The following C4orf50 variants were observed in gnomAD, a reference collection of about 807,000 sequenced individuals.
The protein encoded by C4orf50 is uncharacterized protein C4orf50.
Under a neutral mutation model 77.2 loss-of-function variants are expected in C4orf50, and 80 were observed. That is an observed-to-expected ratio of 1.04 (90% confidence interval 0.87 to 1.25). C4orf50 has a LOEUF of 1.25. C4orf50 is among the 50% of genes most tolerant of loss of function. The pLI is 0.00. For synonymous variants in C4orf50, 532 were observed against 465.3 expected (o/e 1.14, Z -1.84); for missense variants, 1,257 against 1,152.9 (o/e 1.09, Z -1.31).
intron 30 of C4orf50, 23 bp from the exon 9 acceptor site, chr4:5,973,864 ATGCAGAGCTCCCACCAGGGC>A (rs1720094130): frequency 6.3e-7 from 1 of 1,584,468 alleles, no homozygotes; most frequent in South Asian, 1.1e-5. Flanking sequence ...GAGGCCATGG[ATGCAGAGCTCCCACCAGGGC>A]TGCATGGCTG....
In C4orf50 at chr4:6,018,038, G is replaced by A; in HGVS notation, c.287+107C>T. 2.5e-6 allele frequency: 1 copy of A among 397,614 alleles called. No individual in the cohort carries two copies. The highest frequency in any genetic ancestry group is 3.6e-5 in the East Asian group (1 of 28,058). 24.6% of individuals were successfully genotyped at this position (397,614 alleles called of 1,614,324 possible). On this transcript the variant is annotated intron_variant, in intron 23 of 33. Transcript: ENST00000531445. This position sits in a 1 kb window ranked among gnomAD's most constrained non-coding sequence, Gnocchi z 5.1. ...TGGGCAGGTTACGTGTCTTTGGTGA[G>A]CCAGTTTCCCCAGCTGTGTGGTGTG... is the stretch of plus-strand genomic sequence containing the variant.
At chr4:5,936,297 C>T (rs1181097252) in intron 7 of C4orf50, among the ~76,000 whole-genome samples, 1 of 151,978 alleles carries the variant, frequency 6.6e-6, no homozygotes, top group African/African-American at 2.4e-5. Flanking sequence ...TGCGGTGGCT[C>T]ATGCCTGTAA....
At chr4:5,929,162 G>A (rs924521965) in intron 7 of C4orf50, among the ~76,000 whole-genome samples, 5 of 152,100 alleles carry the variant, frequency 3.3e-5, no homozygotes, top group African/African-American at 1.2e-4. Context: ...TTCTAAGAAC[G>A]CACTATTATA....
rs1006215815 is a variant in C4orf50, at chr4:5,940,050, C to T, written c.*2474+16851G>A. Among the ~76,000 whole-genome samples the T allele has an allele frequency of 4.6e-5, 7 of 152,204 alleles. No homozygotes were observed. In the South Asian group the frequency reaches 8.3e-4, roughly 18 times the overall value. On this transcript the variant is annotated intron_variant, in intron 7 of 7. Coordinates refer to the C4orf50 transcript ENST00000324058. ...AGCATGAAGCTCAGTTGCACATGTG[C>T]GTGTTTCTCCCTTCATAAATATTCA...
At position 5,992,995 on chromosome 4, in the gene C4orf50, T is replaced by G; in HGVS notation, c.1094-65A>C. 1 of 396,086 alleles carries G rather than the reference T, an allele frequency of 2.5e-6. No individual in the cohort carries two copies. Among genetic ancestry groups the G allele is most frequent in the Admixed American group, 4.4e-5 (1 of 22,640 alleles). The allele number at this position is 396,086 out of a possible 1,614,324, so 24.5% of individuals were successfully genotyped here. A position where few individuals can be genotyped will look rare whatever the true frequency, so the allele number is the denominator to read the frequency against. On this transcript the variant is annotated intron_variant, in intron 26 of 33. Transcript: ENST00000531445. The surrounding 1 kb of genome is among the most constrained non-coding windows in gnomAD (Gnocchi z 5.0). ...CCAGGGGCTCTGCCATGATCGCCTC[T>G]AGGGACCACGTCCCCCAGGCTTGGG...
At chr4:5,912,645 C>T (rs553740912) in intron 7 of C4orf50, among the ~76,000 whole-genome samples, 1 of 152,126 alleles carries the variant, frequency 6.6e-6, no homozygotes, top group Admixed American at 6.5e-5. Context: ...TTATTACTCA[C>T]AGTTCCCTAG....
intron 7 of C4orf50, among the ~76,000 whole-genome samples, chr4:5,936,123 A>G (rs1255633899): frequency 6.6e-6 from 1 of 152,132 alleles, no homozygotes; most frequent in African/African-American, 2.4e-5. Context: ...CTCCCACTTT[A>G]AAGATGATGA....
At chr4:5,915,553 G>A (rs1716995946) in intron 7 of C4orf50, among the ~76,000 whole-genome samples, 1 of 152,300 alleles carries the variant, frequency 6.6e-6, no homozygotes. Flanking sequence ...ACACAGTTGT[G>A]AAGACTAAAG....
intron 25 of C4orf50, among the ~76,000 whole-genome samples, chr4:5,997,098 C>T (rs990781532): frequency 1.3e-5 from 2 of 151,976 alleles, no homozygotes; most frequent in Admixed American, 1.3e-4. Context: ...AAAGTGAAAG[C>T]AGGAAGAGAG....
chr4:6,003,928 G>T (rs1456182956), intron 25 of C4orf50, among the ~76,000 whole-genome samples: 132 of 25,812 alleles, frequency 5.1e-3, no homozygotes, highest in Admixed American at 8.4e-3. Context: ...GGTGGTGATG[G>T]TGATGATGGT....
At chr4:5,913,448 A>G (rs78759401) in intron 7 of C4orf50, among the ~76,000 whole-genome samples, 2,036 of 152,328 alleles carry the variant, frequency 0.013, 48 homozygotes, top group African/African-American at 0.045. Flanking sequence ...GAAATAGCAT[A>G]TACTATGAAA....
chr4:5,967,807 C>T (rs780598986), intron 31 of C4orf50, among the ~76,000 whole-genome samples: 93 of 152,206 alleles, frequency 6.1e-4, no homozygotes, highest in Non-Finnish European at 1.3e-3. Flanking sequence ...TGATGTCTCC[C>T]CTGGGGCCCC....
At position 5,979,371 on chromosome 4, in the gene C4orf50, G is replaced by A. The variant is rs552832063; in HGVS notation, c.3864+803C>T. 1.8e-4 allele frequency among the ~76,000 whole-genome samples: 28 copies of A among 152,298 alleles called. No homozygotes were observed. The South Asian group carries it at 3.9e-3, about 21-fold the overall frequency. ...AATACACACGATTTTAAAGGAATGA[G>A]TTCACTTTGCATGTGTTGATATGAA... On this transcript the variant is annotated intron_variant, in intron 29 of 33. Transcript: ENST00000531445.
Position 6,011,683 on chromosome 4 carries a change from C to T in C4orf50, c.426+147G>A. 1 of 396,984 alleles carries T rather than the reference C, an allele frequency of 2.5e-6. No individual in the cohort carries two copies. Among genetic ancestry groups the T allele is most frequent in the Non-Finnish European group, 4.4e-6 (1 of 225,640 alleles). The allele number at this position is 396,984 out of a possible 1,614,324, so 24.6% of individuals were successfully genotyped here. ...CCCCAGGCCCCGCAGTCACGCCATG[C>T]ACCATGAACGTAGGATCTCTCTAAC... On this transcript the variant is annotated intron_variant, in intron 24 of 33. Coordinates refer to ENST00000531445, the Ensembl canonical transcript of C4orf50. The surrounding 1 kb of genome is among the most constrained non-coding windows in gnomAD (Gnocchi z 4.2).
At chr4:5,923,138 A>G (rs1439265086) in intron 7 of C4orf50, 1 of 154,060 alleles carries the variant, frequency 6.5e-6, no homozygotes, top group Non-Finnish European at 1.5e-5. Context: ...TTGCACGTGT[A>G]ATTAACTTAA....
chr4:5,904,713 C>T (rs1480678055), intron 7 of C4orf50: 1 of 152,162 alleles, frequency 6.6e-6, no homozygotes, highest in African/African-American at 2.4e-5. Context: ...TGATGAAATC[C>T]ATGCTCCTTC....
rs1720471479 is a variant in C4orf50, at chr4:5,979,796, G to A, written c.3864+378C>T. ...TTTTCAGATCTCTCCAGTTTTAAAC[G>A]TGTGTGTCTGCGTGTTAAGTCCCGT... On this transcript the variant is annotated intron_variant, in intron 29 of 33. Transcript: ENST00000531445. 3.3e-5 allele frequency among the ~76,000 whole-genome samples: 5 copies of A among 152,214 alleles called. No homozygotes were observed. The South Asian group carries it at 6.2e-4, about 19-fold the overall frequency.
Position 5,928,365 on chromosome 4 carries a change from CACACACACACACAT to C in C4orf50, c.*2474+28522_*2474+28535del, listed in dbSNP as rs1325838623. Among the ~76,000 whole-genome samples, 6 of 148,054 alleles carry C rather than the reference CACACACACACACAT, an allele frequency of 4.1e-5. No homozygotes were observed. The East Asian group carries it at 7.8e-4, about 19-fold the overall frequency. On this transcript the variant is annotated intron_variant, in intron 7 of 7. Coordinates refer to the C4orf50 transcript ENST00000324058. ...CCTCTCATACACACACACACACATA[CACACACACACACAT>C]ACACACACACACACACACACCCTGA...
intron 7 of C4orf50, among the ~76,000 whole-genome samples, chr4:5,938,221 C>G (rs1272470918): frequency 6.6e-6 from 1 of 152,096 alleles, no homozygotes; most frequent in Non-Finnish European, 1.5e-5. Context: ...ATTATATGAA[C>G]CATATTCTCT....
Sources: allele counts gnomAD v4.1 joint callset (sites outside exome capture counted in the v4.1 genomes callset), GRCh38; gene constraint gnomAD v4.1.1; non-coding constraint Gnocchi (gnomAD v3.1); transcripts MANE v1.5; gene names NCBI Gene and HGNC (gene_info 2026-07-23, HGNC 2026-07-21).